The following NFASC variants were observed in gnomAD, a reference collection of about 807,000 sequenced individuals.
NFASC encodes the protein neurofascin homolog.
In NFASC, 43 loss-of-function variants were observed where a neutral mutation model predicts 147.5. The ratio of observed to expected loss-of-function variants is 0.29; its 90% confidence interval spans 0.23 to 0.38. The LOEUF is 0.38. Ranked by LOEUF, NFASC falls within the 10% of genes least tolerant of loss-of-function variation. The pLI is 1.00. For synonymous variants in NFASC, 622 were observed against 665.5 expected, an observed-to-expected ratio of 0.93 and a Z score of 1.01; for missense variants, 1,320 against 1,689.0, an observed-to-expected ratio of 0.78 and a Z score of 3.83.
At chr1:205,013,734 T>A (rs1381551019) in intron 29 of NFASC, among the ~76,000 whole-genome samples, 1 of 152,082 alleles carries the variant, frequency 6.6e-6, no homozygotes, top group East Asian at 1.9e-4. Context: ...TGGGAGGGAA[T>A]GTCTGATCAG....
intron 1 of NFASC, among the ~76,000 whole-genome samples, chr1:204,911,080 G>A (rs540806614): frequency 6.6e-6 from 1 of 151,986 alleles, no homozygotes; most frequent in Non-Finnish European, 1.5e-5. Flanking sequence ...TTTTCTAAAC[G>A]TTTTTTAAAA....
At chr1:204,906,868 A>G (rs1481524199) in intron 1 of NFASC, among the ~76,000 whole-genome samples, 1 of 152,130 alleles carries the variant, frequency 6.6e-6, no homozygotes, top group Non-Finnish European at 1.5e-5. Context: ...TATTTTTAGT[A>G]GAGACGGGGT....
intron 2 of NFASC, among the ~76,000 whole-genome samples, chr1:204,933,651 G>A (rs1367616720): frequency 2.6e-5 from 4 of 152,018 alleles, no homozygotes; most frequent in African/African-American, 9.7e-5. Flanking sequence ...CAGGAGGTTT[G>A]GCAAAATAAA....
chr1:204,918,181 A>G (rs766606759), intron 1 of NFASC, among the ~76,000 whole-genome samples: 1 of 152,202 alleles, frequency 6.6e-6, no homozygotes, highest in Non-Finnish European at 1.5e-5. Flanking sequence ...TAGTACCATC[A>G]ATAATATGGT....
chr1:204,845,078 C>T (rs1437688946), intron 1 of NFASC, among the ~76,000 whole-genome samples: 2 of 152,152 alleles, frequency 1.3e-5, no homozygotes, highest in Admixed American at 1.3e-4. Context: ...CCCTACTTCC[C>T]TCTGTGCCCG....
intron 1 of NFASC, among the ~76,000 whole-genome samples, chr1:204,861,907 T>C (rs779914232): frequency 4.6e-5 from 7 of 152,230 alleles, no homozygotes; most frequent in Non-Finnish European, 8.8e-5. Context: ...TTCTGGTTCT[T>C]AGCCTCTGGT....
intron 3 of NFASC, among the ~76,000 whole-genome samples, chr1:204,948,346 T>C (rs988278401): frequency 6.6e-6 from 1 of 152,224 alleles, no homozygotes; most frequent in African/African-American, 2.4e-5. Context: ...AGAAATTCCT[T>C]AGTAGCACAG....
At chr1:204,882,793 T>G (rs2080527858) in intron 1 of NFASC, among the ~76,000 whole-genome samples, 1 of 152,188 alleles carries the variant, frequency 6.6e-6, no homozygotes, top group Non-Finnish European at 1.5e-5. Context: ...TTTTACCAGT[T>G]AAAAGACAAA....
At position 204,987,981 on chromosome 1, in the gene NFASC, G is replaced by A. The variant is rs946659326; in HGVS notation, c.2593+441G>A. ...AAGGCAGCTGCATGTAGAGCTGCCC[G>A]GTGACTGTGGGGTGACCCGAATCAG... is the stretch of plus-strand genomic sequence containing the variant. On this transcript the variant is annotated intron_variant, in intron 22 of 29. Coordinates refer to ENST00000339876, the MANE Select transcript of NFASC (RefSeq NM_001005388.3). This position sits in a 1 kb window ranked among gnomAD's most constrained non-coding sequence, Gnocchi z 4.4. Among the ~76,000 whole-genome samples, 9 of 152,160 alleles carry A rather than the reference G, an allele frequency of 5.9e-5. No individual in the cohort carries two copies. Among genetic ancestry groups the A allele is most frequent in the Admixed American group, 3.3e-4 (5 of 15,284 alleles).
intron 1 of NFASC, among the ~76,000 whole-genome samples, chr1:204,837,145 T>C (rs1319537886): frequency 6.6e-6 from 1 of 152,220 alleles, no homozygotes; most frequent in African/African-American, 2.4e-5. Context: ...AGATGATTGA[T>C]AGGTAATTAA....
intron 1 of NFASC, among the ~76,000 whole-genome samples, chr1:204,860,250 T>C (rs561381450): frequency 3.3e-5 from 5 of 152,344 alleles, no homozygotes; most frequent in Non-Finnish European, 5.9e-5. Flanking sequence ...TTCCTCTGGC[T>C]TATCTCAGGA....
chr1:204,852,199 A>G (rs1222703926), intron 1 of NFASC, among the ~76,000 whole-genome samples: 2 of 152,180 alleles, frequency 1.3e-5, no homozygotes, highest in Admixed American at 6.5e-5. Context: ...AGCTGCCCCC[A>G]AATAGAAAGT....
rs878927123 is a variant in NFASC at position 205,002,771 on chromosome 1, C to T, written c.3289+23C>T. 10 of 1,418,314 alleles carry T rather than the reference C, an allele frequency of 7.1e-6. No individual in the cohort carries two copies. The South Asian group carries it at 1.1e-4, about 16-fold the overall frequency. The allele number at this position is 1,418,314 out of a possible 1,614,324, so 87.9% of individuals were successfully genotyped here. ...CAGGTGAGAGGGGACCTGGCCTGGC[C>T]ATCCCCTGCAAGCATGGGGCATTTC... is the stretch of plus-strand genomic sequence containing the variant. On this transcript the variant is annotated intron_variant, in intron 27 of 29. Transcript: ENST00000339876.
intron 1 of NFASC, among the ~76,000 whole-genome samples, chr1:204,843,211 G>A (rs921302290): frequency 3.3e-5 from 5 of 152,112 alleles, no homozygotes; most frequent in Admixed American, 6.6e-5. Context: ...GGTGTGTTGG[G>A]GACAGACCAA....
At chr1:204,921,036 T>C (rs537293628) in intron 2 of NFASC, among the ~76,000 whole-genome samples, 1 of 152,128 alleles carries the variant, frequency 6.6e-6, no homozygotes, top group Non-Finnish European at 1.5e-5. Flanking sequence ...AATTGAAAAA[T>C]TGGGAAACAA....
chr1:204,842,219 A>G (rs773720884), intron 1 of NFASC, among the ~76,000 whole-genome samples: 4 of 152,240 alleles, frequency 2.6e-5, no homozygotes, highest in Non-Finnish European at 4.4e-5. Flanking sequence ...CTGACTAAGC[A>G]TATCTGGTCC....
chr1:204,839,986 A>G (rs1674839061), intron 1 of NFASC, among the ~76,000 whole-genome samples: 1 of 152,126 alleles, frequency 6.6e-6, no homozygotes, highest in Non-Finnish European at 1.5e-5. Context: ...AGTGGGCTGC[A>G]TATCCCTGTT....
intron 1 of NFASC, among the ~76,000 whole-genome samples, chr1:204,830,431 G>A (rs2102318086): frequency 6.6e-6 from 1 of 152,322 alleles, no homozygotes; most frequent in South Asian, 2.1e-4. Flanking sequence ...GGGATGATTG[G>A]ATGTGGTGGA....
chr1:204,952,769 C>G (rs751599829), intron 5 of NFASC, among the ~76,000 whole-genome samples: 1 of 152,234 alleles, frequency 6.6e-6, no homozygotes, highest in Non-Finnish European at 1.5e-5. Context: ...CATCCCCATC[C>G]TCAAAGTAGC....
Sources: gnomAD v4.1 joint callset for allele counts (sites outside exome capture counted in the v4.1 genomes callset) on GRCh38, gnomAD v4.1.1 for gene constraint, Gnocchi (gnomAD v3.1) non-coding constraint, MANE v1.5 for transcripts, NCBI Gene and HGNC (gene_info 2026-07-23, HGNC 2026-07-21) for gene names.